The following SNAPC4 variants were observed in gnomAD, a reference collection of about 807,000 sequenced individuals.
SNAPC4 encodes the protein snRNA-activating protein complex subunit 4.
In SNAPC4, 127 loss-of-function variants were observed where a neutral mutation model predicts 151.3. The ratio of observed to expected loss-of-function variants is 0.84; its 90% CI spans 0.73 to 0.97. SNAPC4 has a LOEUF of 0.97. Ranked by LOEUF, SNAPC4 falls within the 50% of genes least tolerant of loss-of-function variation. The pLI is 0.00. For missense variants in SNAPC4, 2,186 were observed against 1,935.0 expected (o/e 1.13, Z -2.43); for synonymous variants, 1,002 against 824.4 (o/e 1.22, Z -3.69).
intron 1 of SNAPC4, among the ~76,000 whole-genome samples, chr9:136,399,235 C>T (rs1204840388): frequency 6.6e-6 from 1 of 152,246 alleles, no homozygotes; most frequent in Non-Finnish European, 1.5e-5. Context: ...CGTGGCTCTC[C>T]CTGCTGGAGG....
At chr9:136,394,748 T>C (rs1430575423) in intron 6 of SNAPC4, 52 bp downstream of exon 6, 7 of 1,505,096 alleles carry the variant, frequency 4.7e-6, no homozygotes, top group South Asian at 3.4e-5. Flanking sequence ...AGGAGGGCCA[T>C]GGGGAGGTGT....
intron 5 of SNAPC4, 95 bp from the exon 6 acceptor site, chr9:136,394,973 C>A (rs1834211190): frequency 9.2e-7 from 1 of 1,092,620 alleles, no homozygotes; most frequent in African/African-American, 1.6e-5. Context: ...GACTCGGGCT[C>A]CCCCTGCCTC....
Position 136,378,121 on chromosome 9 carries a change from C to T in SNAPC4, c.3706G>A (p.Gly1236Ser). 1 of 1,601,550 alleles carries T rather than the reference C, an allele frequency of 6.2e-7. No individual in the cohort carries two copies. The highest frequency in any genetic ancestry group is 8.5e-7 in the Non-Finnish European group (1 of 1,175,280). ...TGGCGCAGGGGCAGCTTCTCCAGGC[C>T]CAGAGGCCCCCTGGGCTCCTGTGTC... ...SGTQEPRGPL[G>S]LEKLPLRQPG... The change falls in exon 22 of 24, where the codon GGC (glycine) becomes AGC (serine). Residue 1236 changes from glycine (G) to serine (S), a missense_variant. Physicochemically the swap from Gly to Ser is moderately conservative, Grantham distance 56. Coordinates refer to ENST00000684778, the MANE Select transcript of SNAPC4 (RefSeq NM_003086.4).
intron 5 of SNAPC4, 79 bp from the exon 6 acceptor site, chr9:136,394,957 CA>C: frequency 3.0e-6 from 4 of 1,311,798 alleles, no homozygotes; most frequent in Middle Eastern, 3.9e-4. Context: ...CCAGAGCCCA[CA>C]AAAGGACTCG....
At chr9:136,380,630 G>A (rs752981783) in intron 20 of SNAPC4, 110 bp downstream of exon 20, 22 of 653,078 alleles carry the variant, frequency 3.4e-5, no homozygotes, top group Non-Finnish European at 6.1e-5. Context: ...ATGCCTCCCT[G>A]AGGGGCTGCG....
chr9:136,394,348 C>T lies in SNAPC4; in HGVS notation c.551-18G>A, dbSNP rs745936616. Reference sequence around the variant, plus strand: ...GTTTTTCCCTGAGGAGAAGCCACAGCATCATCACTGGGGGTCTGGATCCTC... The same window carrying T: ...GTTTTTCCCTGAGGAGAAGCCACAGTATCATCACTGGGGGTCTGGATCCTC... On this transcript the variant is annotated intron_variant, in intron 6 of 23. Coordinates refer to ENST00000684778, the MANE Select transcript of SNAPC4 (RefSeq NM_003086.4). 1.2e-6 allele frequency: 2 copies of T among 1,603,406 alleles called. No homozygotes were observed. Among genetic ancestry groups the T allele is most frequent in the African/African-American group, 1.3e-5 (1 of 74,774 alleles).
chr9:136,394,375 C>A, intron 6 of SNAPC4, 45 bp from the exon 7 acceptor site: 1 of 1,533,382 alleles, frequency 6.5e-7, no homozygotes, highest in South Asian at 1.1e-5. Context: ...TGGATCCTCT[C>A]CACGGCCCAG....
chr9:136,380,649 G>A (rs1833653647), intron 20 of SNAPC4, 91 bp downstream of exon 20: 1 of 712,430 alleles, frequency 1.4e-6, no homozygotes, highest in Middle Eastern at 2.5e-4. Flanking sequence ...CGGTGGAGCG[G>A]GTGGGGCGGG....
At chr9:136,396,567 C>T (rs1259219010) in intron 3 of SNAPC4, among the ~76,000 whole-genome samples, 2 of 152,196 alleles carry the variant, frequency 1.3e-5, no homozygotes, top group Non-Finnish European at 2.9e-5. Flanking sequence ...CAGCCACGTG[C>T]CACTGCACCA....
intron 14 of SNAPC4, 58 bp from the exon 15 acceptor site, chr9:136,384,090 G>C: frequency 6.8e-7 from 1 of 1,470,710 alleles, no homozygotes; most frequent in Non-Finnish European, 9.4e-7. Context: ...CCCAGGACAG[G>C]CTTGCTGTTC....
intron 9 of SNAPC4, 28 bp from the exon 10 acceptor site, chr9:136,392,134 C>T: frequency 6.2e-7 from 1 of 1,609,500 alleles, no homozygotes. Context: ...CTCAGCCTTG[C>T]AGGCCACTGA....
chr9:136,397,949 C>G, intron 2 of SNAPC4, among the ~76,000 whole-genome samples: 1 of 152,108 alleles, frequency 6.6e-6, no homozygotes, highest in East Asian at 1.9e-4. Flanking sequence ...TGTACACACA[C>G]AGCCAGCTGG....
rs781018008 is a variant in SNAPC4, at chr9:136,378,464, C to T, written c.3363G>A (p.Ala1121=). ...ACGCTGGGGCCCTGGGGCCCTGGGC[C>T]GCCCGAGTCTCAGTCAGGGGAGGCA... ...TLLPPLTETR[A]AQGPRAPALS... Residue 1121 remains alanine (A), a synonymous_variant, in exon 22 of 24, where the codon GCG becomes GCA. Transcript: ENST00000684778. 44 of 1,587,756 alleles carry T rather than the reference C, an allele frequency of 2.8e-5. No homozygotes were observed. The highest frequency in any genetic ancestry group is 4.5e-5 in the South Asian group (4 of 89,628).
chr9:136,387,639 C>A, intron 12 of SNAPC4, 60 bp from the exon 13 acceptor site: 1 of 1,438,860 alleles, frequency 6.9e-7, no homozygotes. Context: ...AGCCTCCCCA[C>A]CCTGAACCCA....
chr9:136,388,326 G>C (rs1157640301), intron 11 of SNAPC4, 118 bp downstream of exon 11: 1 of 1,009,070 alleles, frequency 9.9e-7, no homozygotes, highest in Non-Finnish European at 1.4e-6. Context: ...GAACAGCCAG[G>C]ACTGTCTAAG....
rs147271628 is a variant in SNAPC4 at position 136,383,542 on chromosome 9, C to CGCT, written c.1624_1626dup (p.Ser542dup). The CGCT allele has an allele frequency of 6.4e-4, 1,025 of 1,590,674 alleles. 1 individual carries two copies. The highest frequency in any genetic ancestry group is 3.2e-3 in the African/African-American group (235 of 74,414). ...TGCGCCTGCTCTGGCTCGTCCTCCT[C>CGCT]GCTGCTGCTGCTGCTGCTGCTGCTG... is the stretch of plus-strand genomic sequence containing the variant. On this transcript the variant is annotated inframe_insertion, in exon 16 of 24. Coordinates refer to ENST00000684778, the MANE Select transcript of SNAPC4 (RefSeq NM_003086.4). The surrounding 1 kb of genome is among the most constrained non-coding windows in gnomAD (Gnocchi z 4.2).
intron 16 of SNAPC4, 61 bp from the exon 17 acceptor site, chr9:136,382,397 C>G: frequency 7.3e-7 from 1 of 1,374,866 alleles, no homozygotes; most frequent in South Asian, 1.2e-5. Context: ...GGGGGCCCTC[C>G]CCTCGCTGCC....
intron 10 of SNAPC4, among the ~76,000 whole-genome samples, chr9:136,389,828 C>T (rs1194532790): frequency 3.3e-5 from 5 of 152,160 alleles, no homozygotes. Flanking sequence ...TGGAGGGTGG[C>T]TGGAGTGAAG....
At chr9:136,393,641 G>A (rs1033579539) in intron 7 of SNAPC4, among the ~76,000 whole-genome samples, 7 of 151,262 alleles carry the variant, frequency 4.6e-5, no homozygotes, top group Admixed American at 3.9e-4. Flanking sequence ...CGTGTGGACC[G>A]ACCCCATGCC....
Sources: allele counts gnomAD v4.1 joint callset (sites outside exome capture counted in the v4.1 genomes callset), GRCh38; gene constraint gnomAD v4.1.1; non-coding constraint Gnocchi (gnomAD v3.1); transcripts MANE v1.5; gene names NCBI Gene and HGNC (gene_info 2026-07-23, HGNC 2026-07-21).